Variants in KCNH1 observed in about 807,000 individuals in gnomAD.
KCNH1 encodes voltage-gated delayed rectifier potassium channel KCNH1.
KCNH1 carries 27 observed loss-of-function variants against 69.2 expected under a neutral mutation model. The ratio of observed to expected loss-of-function variants is 0.39; its 90% CI spans 0.29 to 0.54. The LOEUF (loss-of-function observed/expected upper bound fraction) is 0.54. KCNH1 is among the 20% of genes least tolerant of loss of function. The pLI is 0.68. For synonymous variants in KCNH1, 456 were observed against 487.7 expected (o/e 0.93, Z 0.86); for missense variants, 798 against 1,261.6 (o/e 0.63, Z 5.57).
intron 10 of KCNH1, among the ~76,000 whole-genome samples, chr1:210,718,702 A>ATT (rs1682373524): frequency 1.4e-5 from 2 of 145,168 alleles, no homozygotes; most frequent in Admixed American, 1.4e-4. Flanking sequence ...ATATATATAT[A>ATT]CACACTAAGT....
intron 6 of KCNH1, among the ~76,000 whole-genome samples, chr1:210,930,232 T>C: frequency 6.6e-6 from 1 of 152,170 alleles, no homozygotes; most frequent in Non-Finnish European, 1.5e-5. Context: ...AAAGCAAGAC[T>C]AAGCAAAAAG....
chr1:210,838,323 C>T lies in KCNH1; in HGVS notation c.1463-34157G>A, dbSNP rs767344837. ...AAATTAAAACTGGACCCCTTCCTTA[C>T]ACCTTACATAAAAATCAACTAAAGA... On this transcript the variant is annotated intron_variant, in intron 7 of 10. Transcript: ENST00000271751. Among the ~76,000 whole-genome samples, 16 of 152,176 alleles carry T rather than the reference C, an allele frequency of 1.1e-4. 1 individual carries two copies. Among genetic ancestry groups the T allele is most frequent in the Admixed American group, 1.0e-3 (16 of 15,270 alleles).
At chr1:210,850,012 A>G (rs1395226689) in intron 7 of KCNH1, among the ~76,000 whole-genome samples, 10 of 152,126 alleles carry the variant, frequency 6.6e-5, no homozygotes, top group Non-Finnish European at 1.0e-4. Context: ...ATGTGGGGAA[A>G]AAAAAGAAAA....
chr1:210,733,132 A>G (rs1682784388), intron 10 of KCNH1, among the ~76,000 whole-genome samples: 1 of 152,220 alleles, frequency 6.6e-6, no homozygotes, highest in African/African-American at 2.4e-5. Flanking sequence ...CTAAATGGGA[A>G]ACAAAGTATC....
At chr1:210,795,000 T>C (rs745340296) in intron 9 of KCNH1, among the ~76,000 whole-genome samples, 1 of 152,186 alleles carries the variant, frequency 6.6e-6, no homozygotes, top group Non-Finnish European at 1.5e-5. Context: ...CACTTCTCTG[T>C]GATAAGGGGG....
At chr1:210,962,372 T>G (rs575641767) in intron 6 of KCNH1, among the ~76,000 whole-genome samples, 1 of 152,302 alleles carries the variant, frequency 6.6e-6, no homozygotes, top group Admixed American at 6.5e-5. Flanking sequence ...TCCCTATTAC[T>G]TCATCTTGGC....
chr1:210,930,876 G>A (rs1202250170), intron 6 of KCNH1, among the ~76,000 whole-genome samples: 1 of 152,134 alleles, frequency 6.6e-6, no homozygotes, highest in African/African-American at 2.4e-5. Flanking sequence ...CTAAGGACAT[G>A]AATAGACAAT....
Position 211,055,758 on chromosome 1 carries a change from G to C in KCNH1, c.558+27022C>G, listed in dbSNP as rs563049419. Among the ~76,000 whole-genome samples, 964 of 152,150 alleles carry C rather than the reference G, an allele frequency of 6.3e-3. 3 individuals are homozygous for C. The highest frequency in any genetic ancestry group is 0.01 in the Non-Finnish European group (710 of 67,992). ...ATAGGGCACCAGGCAAAGTTCTGGG[G>C]CCCCCCCATTCTGGGCTCTAGCTCA... is the stretch of plus-strand genomic sequence containing the variant. On this transcript the variant is annotated intron_variant, in intron 5 of 10. Transcript: ENST00000271751.
chr1:211,008,897 A>G (rs1689338199), intron 6 of KCNH1, among the ~76,000 whole-genome samples: 1 of 152,260 alleles, frequency 6.6e-6, no homozygotes, highest in Non-Finnish European at 1.5e-5. Context: ...GATTATGATT[A>G]GTGCTATGAA....
chr1:210,957,410 T>C (rs1688199985), intron 6 of KCNH1, among the ~76,000 whole-genome samples: 1 of 152,134 alleles, frequency 6.6e-6, no homozygotes, highest in Admixed American at 6.5e-5. Context: ...GGTGGAGAGT[T>C]CTGTAGATGT....
chr1:211,070,343 G>C (rs960173721), intron 5 of KCNH1, among the ~76,000 whole-genome samples: 1 of 151,390 alleles, frequency 6.6e-6, no homozygotes, highest in Non-Finnish European at 1.5e-5. Flanking sequence ...GCGTGAGCCC[G>C]GGAGGTGGAG....
At chr1:210,997,520 C>G (rs1266302817) in intron 6 of KCNH1, among the ~76,000 whole-genome samples, 1 of 152,116 alleles carries the variant, frequency 6.6e-6, no homozygotes, top group Non-Finnish European at 1.5e-5. Context: ...TGTGAAAAGA[C>G]CAAATCTACG....
chr1:211,042,301 AT>A (rs758166312), intron 5 of KCNH1, among the ~76,000 whole-genome samples: 1 of 152,066 alleles, frequency 6.6e-6, no homozygotes. Flanking sequence ...ACATCTATCT[AT>A]TTTTTTACTT....
intron 5 of KCNH1, among the ~76,000 whole-genome samples, chr1:211,038,931 A>C (rs1689945050): frequency 6.6e-6 from 1 of 152,262 alleles, no homozygotes; most frequent in Admixed American, 6.5e-5. Context: ...AGCTGGCTGC[A>C]GAAATTTGCA....
chr1:211,072,701 C>A (rs1571624838), intron 5 of KCNH1, among the ~76,000 whole-genome samples: 1 of 135,868 alleles, frequency 7.4e-6, no homozygotes, highest in South Asian at 2.4e-4. Flanking sequence ...TTTAGGGCAA[C>A]CACTGAAAAA....
chr1:210,983,000 T>A (rs953909456), intron 6 of KCNH1, among the ~76,000 whole-genome samples: 4 of 152,208 alleles, frequency 2.6e-5, no homozygotes, highest in African/African-American at 9.6e-5. Flanking sequence ...TGGTTTTGAT[T>A]TGTGTTTCTC....
At chr1:210,814,391 C>T (rs1243911675) in intron 7 of KCNH1, among the ~76,000 whole-genome samples, 2 of 152,086 alleles carry the variant, frequency 1.3e-5, no homozygotes, top group African/African-American at 4.8e-5. Context: ...TAATTAACAG[C>T]AGGATAATTA....
chr1:211,091,327 T>C (rs71638199), intron 3 of KCNH1, among the ~76,000 whole-genome samples: 32,154 of 151,888 alleles, frequency 0.21, 3,591 homozygotes, highest in Non-Finnish European at 0.23. Flanking sequence ...GAATTATAGG[T>C]ACCCACCACC....
chr1:210,821,859 T>C (rs1458128422), intron 7 of KCNH1, among the ~76,000 whole-genome samples: 1 of 151,010 alleles, frequency 6.6e-6, no homozygotes, highest in East Asian at 1.9e-4. Context: ...TTTAAAGAGA[T>C]GGGGTCTTAC....
Sources: gnomAD v4.1 joint callset for allele counts (sites outside exome capture counted in the v4.1 genomes callset) on GRCh38, gnomAD v4.1.1 for gene constraint, MANE v1.5 for transcripts, NCBI Gene and HGNC (gene_info 2026-07-23, HGNC 2026-07-21) for gene names.